The following DMXL2 variants were observed in gnomAD, a reference collection of about 807,000 sequenced individuals.
DMXL2 encodes the protein Dmx like 2.
In DMXL2, 103 loss-of-function variants were observed where a neutral mutation model predicts 331.1. The observed-to-expected ratio is 0.31, with a 90% CI of 0.27 to 0.37. DMXL2 has a LOEUF of 0.37. DMXL2 is among the 10% of genes least tolerant of loss of function. The pLI, the probability that DMXL2 is intolerant of heterozygous loss-of-function variation, is 1.00. For missense variants in DMXL2, 3,171 were observed against 3,642.9 expected (o/e 0.87, Z 3.33); for synonymous variants, 1,281 against 1,252.1 (o/e 1.02, Z -0.49).
intron 20 of DMXL2, 82 bp downstream of exon 20, chr15:51,491,496 A>G (rs1441163650): frequency 7.2e-7 from 1 of 1,387,742 alleles, no homozygotes; most frequent in Non-Finnish European, 9.9e-7. Flanking sequence ...TTCCCACTAC[A>G]GGTTTTCTGG....
chr15:51,597,568 C>T (rs960410937), intron 1 of DMXL2, among the ~76,000 whole-genome samples: 1 of 152,188 alleles, frequency 6.6e-6, no homozygotes, highest in Non-Finnish European at 1.5e-5. Flanking sequence ...TGTTGATGGA[C>T]ATTTTGCCTA....
intron 13 of DMXL2, among the ~76,000 whole-genome samples, chr15:51,529,481 T>C (rs975214501): frequency 7.9e-5 from 12 of 152,138 alleles, no homozygotes; most frequent in Non-Finnish European, 2.9e-5. Context: ...ATCAACTATA[T>C]GCCAATAAAT....
At chr15:51,622,335 G>A (rs367634064) in intron 1 of DMXL2, 124 bp downstream of exon 1, 6 of 1,308,176 alleles carry the variant, frequency 4.6e-6, no homozygotes, top group East Asian at 2.6e-5. Context: ...GCTGCAAAGG[G>A]GCCACGGGTG....
chr15:51,479,951 C>T lies in DMXL2; in HGVS notation c.6753G>A (p.Val2251=). 6.6e-7 allele frequency: 1 copy of T among 1,505,114 alleles called. No individual in the cohort carries two copies. Among genetic ancestry groups the T allele is most frequent in the Non-Finnish European group, 9.0e-7 (1 of 1,113,456 alleles). The allele number at this position is 1,505,114 out of a possible 1,614,324, so 93.2% of individuals were successfully genotyped here. A position where few individuals can be genotyped will look rare whatever the true frequency, so the allele number is the denominator to read the frequency against. ...ATGATCATAAACTTTACATTACCTT[C>T]ACATCTTCAATACTGGGATGAGGTG... ...KTPPHPSIED[V]KVHTLHSLAA... The change falls in exon 25 of 44, where the codon GTG becomes GTA. Residue 2251 remains valine (V), a synonymous_variant. Transcript: ENST00000560891.
intron 2 of DMXL2, among the ~76,000 whole-genome samples, chr15:51,569,091 T>G (rs913931408): frequency 6.6e-6 from 1 of 152,160 alleles, no homozygotes; most frequent in Non-Finnish European, 1.5e-5. Flanking sequence ...ATACTGCACT[T>G]TTCCCATGGT....
At chr15:51,564,319 C>T in intron 4 of DMXL2, 59 bp from the exon 5 acceptor site, 1 of 1,322,652 alleles carries the variant, frequency 7.6e-7, no homozygotes. Flanking sequence ...AATAAATGCA[C>T]ATGGGCTTCT....
chr15:51,621,115 C>T (rs1283682334), intron 1 of DMXL2, among the ~76,000 whole-genome samples: 1 of 152,144 alleles, frequency 6.6e-6, no homozygotes, highest in East Asian at 1.9e-4. Context: ...AGATTCTCCA[C>T]ACACTTGAAG....
At position 51,538,411 on chromosome 15, in the gene DMXL2, C is replaced by A. The variant is rs763613878; in HGVS notation, c.1147G>T (p.Asp383Tyr). 5 of 1,612,390 alleles carry A rather than the reference C, an allele frequency of 3.1e-6. No homozygotes were observed. Among genetic ancestry groups the A allele is most frequent in the Non-Finnish European group, 4.2e-6 (5 of 1,178,736 alleles). ...TGAACTACAAAGCCCCCATTTCCAT[C>A]ATCAACATTAAATGCAGTGCCAACC... is the stretch of plus-strand genomic sequence containing the variant. ...VLVGTAFNVD[D>Y]GNGGFVVHWL... The change falls in exon 10 of 44, where the codon GAT (aspartate) becomes TAT (tyrosine). Residue 383 changes from aspartate (D) to tyrosine (Y), a missense_variant. Transcript: ENST00000560891.
intron 13 of DMXL2, among the ~76,000 whole-genome samples, chr15:51,527,740 G>C (rs2047762322): frequency 6.7e-6 from 1 of 150,170 alleles, no homozygotes; most frequent in Non-Finnish European, 1.5e-5. Flanking sequence ...AAAAAAAGAA[G>C]TCATCTGAAG....
chr15:51,564,452 T>G (rs2050150002), intron 4 of DMXL2, among the ~76,000 whole-genome samples, 192 bp from the exon 5 acceptor site: 1 of 152,044 alleles, frequency 6.6e-6, no homozygotes, highest in Non-Finnish European at 1.5e-5. Flanking sequence ...CAACAAAGAT[T>G]CTTAAGGAAG....
intron 6 of DMXL2, among the ~76,000 whole-genome samples, chr15:51,557,132 T>G (rs979038069): frequency 6.6e-6 from 1 of 152,200 alleles, no homozygotes. Context: ...TATATAATTG[T>G]GTACATATAA....
intron 3 of DMXL2, chr15:51,568,259 T>A (rs1596288118): frequency 7.7e-6 from 3 of 391,760 alleles, no homozygotes; most frequent in African/African-American, 6.7e-5. Context: ...AGATCTCAGT[T>A]AACACAGTAA....
intron 2 of DMXL2, among the ~76,000 whole-genome samples, chr15:51,570,943 C>CT (rs1334987613): frequency 6.6e-6 from 1 of 152,110 alleles, no homozygotes; most frequent in Non-Finnish European, 1.5e-5. Context: ...CAATATTAAC[C>CT]TTAAATGTAA....
chr15:51,594,339 C>T (rs1442580120), intron 1 of DMXL2, among the ~76,000 whole-genome samples: 1 of 152,208 alleles, frequency 6.6e-6, no homozygotes. Flanking sequence ...TTCCTCGACA[C>T]ATACACCCTC....
chr15:51,545,419 C>T (rs2048835606), intron 8 of DMXL2, among the ~76,000 whole-genome samples, 164 bp downstream of exon 8: 1 of 152,106 alleles, frequency 6.6e-6, no homozygotes, highest in Admixed American at 6.5e-5. Flanking sequence ...CATTTGGCTT[C>T]TTAGTGGAAT....
chr15:51,542,371 C>CAA lies in DMXL2; in HGVS notation c.1066_1067insTT (p.Cys356PhefsTer35), dbSNP rs761987151. The CAA allele has an allele frequency of 6.2e-7, 1 of 1,613,678 alleles. No individual in the cohort carries two copies. Among genetic ancestry groups the CAA allele is most frequent in the South Asian group, 1.1e-5 (1 of 91,046 alleles). ...GATGCTTGCTGCAATATGAAAATGA[C>CAA]AGAGTGCATTTGCATGGTGGGAAAT... On this transcript the variant is annotated frameshift_variant, in exon 9 of 44. Coordinates refer to ENST00000560891, the MANE Select transcript of DMXL2 (RefSeq NM_001378457.1). LOFTEE classifies it high-confidence loss of function.
intron 1 of DMXL2, among the ~76,000 whole-genome samples, chr15:51,611,179 A>G (rs1204954910): frequency 6.6e-6 from 1 of 152,168 alleles, no homozygotes; most frequent in African/African-American, 2.4e-5. Context: ...TGGTAAAGCT[A>G]AAGTGGGTTC....
intron 1 of DMXL2, among the ~76,000 whole-genome samples, chr15:51,599,558 T>C (rs2141301463): frequency 6.6e-6 from 1 of 152,332 alleles, no homozygotes; most frequent in East Asian, 1.9e-4. Flanking sequence ...TGTTTAAATA[T>C]ACACAAATAT....
intron 1 of DMXL2, among the ~76,000 whole-genome samples, chr15:51,616,935 TAAAAAAAAAAA>T (rs34051640): frequency 5.0e-4 from 41 of 81,232 alleles, no homozygotes; most frequent in African/African-American, 1.9e-3. Flanking sequence ...AGACTCCATC[TAAAAAAAAAAA>T]AAAAAAAAAA....
Sources: allele counts gnomAD v4.1 joint callset (sites outside exome capture counted in the v4.1 genomes callset), GRCh38; gene constraint gnomAD v4.1.1; transcripts MANE v1.5; gene names NCBI Gene and HGNC (gene_info 2026-07-23, HGNC 2026-07-21).